Variants in TCF12 observed in about 807,000 individuals in gnomAD.
TCF12 encodes transcription factor 12, also known as DNA-binding protein HTF4.
Under a neutral mutation model 86.0 loss-of-function variants are expected in TCF12, and 45 were observed. The ratio of observed to expected loss-of-function variants is 0.52; its 90% CI spans 0.41 to 0.67. The LOEUF is 0.67. Ranked by LOEUF, TCF12 falls within the 30% of genes least tolerant of loss-of-function variation. The pLI is 0.00. For synonymous variants in TCF12, 330 were observed against 299.6 expected, an observed-to-expected ratio of 1.10 and a Z score of -1.05; for missense variants, 881 against 859.9, an observed-to-expected ratio of 1.02 and a Z score of -0.31.
At position 57,075,413 on chromosome 15, in the gene TCF12, A is replaced by T. The variant is rs141657393; in HGVS notation, c.222+11590A>T. 5.9e-5 allele frequency among the ~76,000 whole-genome samples: 9 copies of T among 152,274 alleles called. No homozygotes were observed. In the East Asian group the frequency reaches 1.7e-3, roughly 29 times the overall value. ...TTTTCCCAGCTCCTTTCATTCATGA[A>T]GCTTTTACTGAGATTCCACTATTTC... On this transcript the variant is annotated intron_variant, in intron 4 of 20. Coordinates refer to ENST00000333725, the MANE Select transcript of TCF12 (RefSeq NM_207037.2).
At chr15:56,956,609 A>G (rs1728043554) in intron 3 of TCF12, among the ~76,000 whole-genome samples, 1 of 152,074 alleles carries the variant, frequency 6.6e-6, no homozygotes, top group African/African-American at 2.4e-5. Context: ...TTCATGTCTG[A>G]AAATGCCTTT....
chr15:57,156,191 T>C (rs536398182), intron 5 of TCF12, among the ~76,000 whole-genome samples: 30 of 152,348 alleles, frequency 2.0e-4, no homozygotes, highest in Admixed American at 1.9e-3. Flanking sequence ...TTTAGCAGCT[T>C]ATCCTTTTTA....
intron 5 of TCF12, among the ~76,000 whole-genome samples, chr15:57,151,918 A>G (rs1036539915): frequency 3.9e-5 from 6 of 152,228 alleles, no homozygotes; most frequent in Admixed American, 3.3e-4. Flanking sequence ...ACTAAGCAAT[A>G]GCAGTCTGCC....
chr15:57,064,364 AAAAAAC>A (rs1268370163), intron 4 of TCF12, among the ~76,000 whole-genome samples: 33 of 152,298 alleles, frequency 2.2e-4, no homozygotes, highest in African/African-American at 6.0e-4. Flanking sequence ...CCTTTCCAGC[AAAAAAC>A]AAAAACAAAA....
chr15:57,264,346 A>AC (rs1389954610), intron 18 of TCF12, among the ~76,000 whole-genome samples: 2 of 149,948 alleles, frequency 1.3e-5, no homozygotes, highest in Admixed American at 6.6e-5. Flanking sequence ...GATTACAGGC[A>AC]CCCCCCACCA....
At chr15:57,242,028 G>C (rs2059655226) in intron 12 of TCF12, among the ~76,000 whole-genome samples, 1 of 138,348 alleles carries the variant, frequency 7.2e-6, no homozygotes, top group Non-Finnish European at 1.6e-5. Flanking sequence ...ATTGTGACTT[G>C]TATAGTTTTG....
intron 4 of TCF12, among the ~76,000 whole-genome samples, chr15:57,081,510 T>C (rs1596445335): frequency 1.3e-5 from 2 of 152,290 alleles, no homozygotes; most frequent in African/African-American, 4.8e-5. Flanking sequence ...GCCAAATGTA[T>C]GCTCATGCTA....
chr15:57,122,380 T>C (rs2051302785), intron 5 of TCF12, among the ~76,000 whole-genome samples: 1 of 152,208 alleles, frequency 6.6e-6, no homozygotes, highest in Non-Finnish European at 1.5e-5. Flanking sequence ...ATTCTCATTA[T>C]AATGATCATA....
At chr15:57,079,563 G>T (rs1424952035) in intron 4 of TCF12, among the ~76,000 whole-genome samples, 1 of 152,146 alleles carries the variant, frequency 6.6e-6, no homozygotes, top group Non-Finnish European at 1.5e-5. Flanking sequence ...ATACGAGTCA[G>T]TATATCTGGA....
intron 8 of TCF12, among the ~76,000 whole-genome samples, chr15:57,226,857 A>C (rs550130159): frequency 6.6e-6 from 1 of 152,296 alleles, no homozygotes; most frequent in Non-Finnish European, 1.5e-5. Flanking sequence ...AATAAAATTT[A>C]AAATTCAGTT....
chr15:57,194,073 GCACTTAGTA>G (rs1358753700), intron 7 of TCF12, among the ~76,000 whole-genome samples: 1 of 152,088 alleles, frequency 6.6e-6, no homozygotes, highest in Non-Finnish European at 1.5e-5. Flanking sequence ...GTGACAAAAA[GCACTTAGTA>G]CAAGCTAATA....
intron 3 of TCF12, among the ~76,000 whole-genome samples, chr15:57,017,627 A>G (rs1191637934): frequency 1.3e-5 from 2 of 152,230 alleles, no homozygotes; most frequent in Non-Finnish European, 2.9e-5. Flanking sequence ...AAATAGGCAT[A>G]CAAAGATGTT....
intron 5 of TCF12, among the ~76,000 whole-genome samples, chr15:57,141,877 G>A (rs900321673): frequency 2.0e-5 from 3 of 152,136 alleles, no homozygotes; most frequent in Non-Finnish European, 4.4e-5. Context: ...GCTAGATTAT[G>A]GAAAGGTTAG....
At chr15:56,942,717 TA>T (rs1242176407) in intron 3 of TCF12, among the ~76,000 whole-genome samples, 1 of 152,210 alleles carries the variant, frequency 6.6e-6, no homozygotes, top group Non-Finnish European at 1.5e-5. Flanking sequence ...AGGCAAAATC[TA>T]AAGTAAGTCT....
At chr15:56,956,727 CA>C (rs2140506330) in intron 3 of TCF12, among the ~76,000 whole-genome samples, 1 of 152,062 alleles carries the variant, frequency 6.6e-6, no homozygotes, top group East Asian at 1.9e-4. Flanking sequence ...TTGTAATATC[CA>C]GTGAGAAATC....
chr15:56,972,037 A>C (rs1320341158), intron 3 of TCF12, among the ~76,000 whole-genome samples: 2 of 152,192 alleles, frequency 1.3e-5, no homozygotes, highest in African/African-American at 4.8e-5. Flanking sequence ...AAAACCATTG[A>C]ATTGTGTATT....
intron 6 of TCF12, among the ~76,000 whole-genome samples, chr15:57,176,927 T>G (rs777520358): frequency 2.6e-5 from 4 of 152,100 alleles, no homozygotes; most frequent in Non-Finnish European, 5.9e-5. Flanking sequence ...TAGTCCTCCT[T>G]TGGGGAGTAG....
intron 4 of TCF12, among the ~76,000 whole-genome samples, chr15:57,075,786 CTTTCTTTCTT>C (rs1251375117): frequency 2.5e-3 from 139 of 56,290 alleles, no homozygotes; most frequent in African/African-American, 9.4e-3. Flanking sequence ...TTCTTTCTTT[CTTTCTTTCTT>C]TCTTTCTTTC....
intron 11 of TCF12, among the ~76,000 whole-genome samples, chr15:57,233,120 G>A (rs1282805516): frequency 6.9e-6 from 1 of 145,536 alleles, no homozygotes; most frequent in African/African-American, 2.7e-5. Flanking sequence ...ATATGTTTGT[G>A]TATATATGTA....
Sources: allele counts gnomAD v4.1 joint callset (sites outside exome capture counted in the v4.1 genomes callset), GRCh38; gene constraint gnomAD v4.1.1; transcripts MANE v1.5; gene names NCBI Gene and HGNC (gene_info 2026-07-23, HGNC 2026-07-21).